NPAS3: variants seen among roughly 807,000 people sequenced by gnomAD.
NPAS3 encodes neuronal PAS domain protein 3.
Under a neutral mutation model 73.1 loss-of-function variants are expected in NPAS3, and 14 were observed. That is an observed-to-expected ratio of 0.19 (90% confidence interval 0.13 to 0.30). The LOEUF (loss-of-function observed/expected upper bound fraction) is 0.30, where lower values mean the gene tolerates loss of function less well. Ranked by LOEUF, NPAS3 falls within the 10% of genes least tolerant of loss-of-function variation. The probability of loss-of-function intolerance (pLI) is 1.00; values close to 1 mark genes in which losing one functional copy is unlikely to be tolerated. For missense variants in NPAS3, 1,096 were observed against 1,250.0 expected (o/e 0.88, Z 1.86); for synonymous variants, 620 against 541.5 (o/e 1.14, Z -2.01).
chr14:32,938,486 T>TAAGAGAGAGAGAGAGAGAGAGAGA (rs1555372901), upstream of NPAS3, among the ~76,000 whole-genome samples: 1 of 55,904 alleles, frequency 1.8e-5, no homozygotes, highest in East Asian at 4.1e-4. Flanking sequence ...AGAGAGAAAT[T>TAAGAGAGAGAGAGAGAGAGAGAGA]GAGAGAGAGA....
intron 1 of NPAS3, among the ~76,000 whole-genome samples, chr14:33,031,302 T>C (rs2039979306): frequency 6.6e-6 from 1 of 152,234 alleles, no homozygotes; most frequent in Admixed American, 6.5e-5. Flanking sequence ...GAGTTAGTTA[T>C]ATGAAATGTA....
chr14:33,566,620 C>T (rs1467644238), intron 5 of NPAS3, among the ~76,000 whole-genome samples: 1 of 152,118 alleles, frequency 6.6e-6, no homozygotes, highest in African/African-American at 2.4e-5. Context: ...GGGATCTTTT[C>T]ATCAGAAAGA....
chr14:33,228,755 G>C (rs2047733824), intron 3 of NPAS3, among the ~76,000 whole-genome samples: 2 of 152,116 alleles, frequency 1.3e-5, no homozygotes, highest in African/African-American at 4.8e-5. Flanking sequence ...AAATAATAAA[G>C]TAGGGTATTA....
chr14:33,765,786 G>A (rs1002010772), intron 7 of NPAS3, among the ~76,000 whole-genome samples: 3 of 152,310 alleles, frequency 2.0e-5, no homozygotes, highest in African/African-American at 7.2e-5. Flanking sequence ...CTGATGGAGA[G>A]GAAGCTGCAG....
chr14:33,555,518 T>TA (rs1019003313), intron 4 of NPAS3, among the ~76,000 whole-genome samples: 5 of 152,196 alleles, frequency 3.3e-5, no homozygotes, highest in East Asian at 3.9e-4. Context: ...ATTCAAAATT[T>TA]AAAAAAAATT....
At chr14:33,115,223 T>A (rs145363818) in intron 2 of NPAS3, among the ~76,000 whole-genome samples, 87 of 152,260 alleles carry the variant, frequency 5.7e-4, no homozygotes, top group Admixed American at 1.2e-3. Flanking sequence ...CTTTGATAGT[T>A]GGTGGGTGAT....
intron 5 of NPAS3, among the ~76,000 whole-genome samples, chr14:33,591,356 A>G (rs2057058604): frequency 6.6e-6 from 1 of 152,142 alleles, no homozygotes. Context: ...CCACACAAAC[A>G]ATTATACTAA....
intron 2 of NPAS3, among the ~76,000 whole-genome samples, chr14:33,134,548 C>G (rs1455561843): frequency 6.6e-6 from 1 of 152,048 alleles, no homozygotes; most frequent in Non-Finnish European, 1.5e-5. Context: ...TTTAATTTAG[C>G]TTTGGAGAGA....
intron 4 of NPAS3, among the ~76,000 whole-genome samples, chr14:33,381,551 G>C (rs1164137280): frequency 6.6e-6 from 1 of 152,096 alleles, no homozygotes; most frequent in Non-Finnish European, 1.5e-5. Context: ...TTTTGGTGGG[G>C]GAAAAAGTAG....
In NPAS3 at chr14:33,800,022, G is replaced by A. The variant is rs759523769; in HGVS notation, c.1715G>A (p.Cys572Tyr). ...GAGTCGGACCTGCGGCTGCAGAACT[G>A]CGAGTCACTCACGTCCGACAGCGCC... is the stretch of plus-strand genomic sequence containing the variant. The change falls in exon 12 of 12, where the codon TGC becomes TAC. Residue 572 changes from cysteine to tyrosine, a missense_variant. Coordinates refer to ENST00000356141, the Ensembl canonical transcript of NPAS3. The surrounding 1 kb of genome is among the most constrained non-coding windows in gnomAD (Gnocchi z 6.5). 10 of 1,611,144 alleles carry A rather than the reference G, an allele frequency of 6.2e-6. No individual in the cohort carries two copies. In the South Asian group the frequency reaches 1.1e-4, roughly 18 times the overall value.
intron 5 of NPAS3, among the ~76,000 whole-genome samples, chr14:33,647,112 C>G (rs17101649): frequency 0.041 from 6,195 of 152,104 alleles, 419 homozygotes; most frequent in African/African-American, 0.14. Context: ...TGTTTATGTC[C>G]TTAGGCTCAA....
intron 1 of NPAS3, among the ~76,000 whole-genome samples, chr14:32,946,043 G>A (rs2036236776): frequency 6.6e-6 from 1 of 152,074 alleles, no homozygotes; most frequent in Admixed American, 6.6e-5. Flanking sequence ...TTTGCCACTG[G>A]TTGTGTAAAA....
intron 2 of NPAS3, among the ~76,000 whole-genome samples, chr14:33,128,405 G>A (rs1233009646): frequency 6.6e-6 from 1 of 152,122 alleles, no homozygotes; most frequent in Non-Finnish European, 1.5e-5. Context: ...TTATATACCA[G>A]AAATTTGTTA....
rs10567527 is a variant in NPAS3 at position 33,789,583 on chromosome 14, C to CTTTTTTTTTTTTTTTTTTTTTTTTTTTT, written c.1154-4291_1154-4290insTTTTTTTTTTTTTTTTTTTTTTTTTTTT. On this transcript the variant is annotated intron_variant, in intron 9 of 11. Transcript: ENST00000356141. Reference sequence around the variant, plus strand: ...ACTAAAAGTAATTACTAGAGTACAACTTTTTTTTTTTTTTTTTTTTTTTGA... The same window carrying CTTTTTTTTTTTTTTTTTTTTTTTTTTTT: ...ACTAAAAGTAATTACTAGAGTACAACTTTTTTTTTTTTTTTTTTTTTTTTTTTTTTTTTTTTTTTTTTTTTTTTTTTGA... Among the ~76,000 whole-genome samples, 6 of 92,414 alleles carry CTTTTTTTTTTTTTTTTTTTTTTTTTTTT rather than the reference C, an allele frequency of 6.5e-5. 1 individual carries two copies. Among genetic ancestry groups the CTTTTTTTTTTTTTTTTTTTTTTTTTTTT allele is most frequent in the South Asian group, 9.3e-4 (2 of 2,150 alleles). 60.6% of individuals were successfully genotyped at this position (92,414 alleles called of 152,430 possible).
intron 3 of NPAS3, among the ~76,000 whole-genome samples, chr14:33,272,142 C>T (rs1393625623): frequency 6.6e-6 from 1 of 152,150 alleles, no homozygotes; most frequent in Admixed American, 6.5e-5. Context: ...GTTTCTCAAT[C>T]CTGTTTTGCT....
chr14:33,456,512 G>A (rs1291808773), intron 4 of NPAS3, among the ~76,000 whole-genome samples: 1 of 152,090 alleles, frequency 6.6e-6, no homozygotes, highest in African/African-American at 2.4e-5. Context: ...CTTTGGGCAC[G>A]ATAACATTAG....
At chr14:33,659,476 A>G (rs1369263154) in intron 5 of NPAS3, among the ~76,000 whole-genome samples, 1 of 152,190 alleles carries the variant, frequency 6.6e-6, no homozygotes, top group Non-Finnish European at 1.5e-5. Context: ...ACCCAACCAA[A>G]TATTCTAGTC....
chr14:33,517,547 G>T (rs1269560919), intron 4 of NPAS3, among the ~76,000 whole-genome samples: 3 of 151,924 alleles, frequency 2.0e-5, no homozygotes, highest in East Asian at 3.9e-4. Flanking sequence ...CAGGTCCTTT[G>T]CTTAGGCTGT....
chr14:33,032,352 G>A (rs1408089410), intron 1 of NPAS3, among the ~76,000 whole-genome samples: 1 of 152,198 alleles, frequency 6.6e-6, no homozygotes, highest in Non-Finnish European at 1.5e-5. Context: ...GTAGGTACAT[G>A]AGAAGACCAA....
Sources: allele counts gnomAD v4.1 joint callset (sites outside exome capture counted in the v4.1 genomes callset), GRCh38; gene constraint gnomAD v4.1.1; non-coding constraint Gnocchi (gnomAD v3.1); transcripts MANE v1.5; gene names NCBI Gene and HGNC (gene_info 2026-07-23, HGNC 2026-07-21).